The following CNTN4 variants were observed in gnomAD, a reference collection of about 807,000 sequenced individuals.
CNTN4 encodes contactin 4.
In CNTN4, 77 loss-of-function variants were observed where a neutral mutation model predicts 122.5. The ratio of observed to expected loss-of-function variants is 0.63; its 90% CI spans 0.52 to 0.76. The LOEUF (loss-of-function observed/expected upper bound fraction) is 0.76. CNTN4 is among the 30% of genes least tolerant of loss of function. The pLI is 0.00. For missense variants in CNTN4, 1,256 were observed against 1,259.1 expected (o/e 1.00, Z 0.04); for synonymous variants, 512 against 447.0 (o/e 1.15, Z -1.83).
At chr3:2,946,699 T>G (rs948154099) in intron 13 of CNTN4, among the ~76,000 whole-genome samples, 12 of 115,696 alleles carry the variant, frequency 1.0e-4, no homozygotes, top group African/African-American at 3.1e-4. Context: ...CTTGCTTTTT[T>G]TTTTCTTTTT....
rs1164805122 is a variant in CNTN4 at position 2,705,733 on chromosome 3, A to G, written c.56-30482A>G. ...ATAATATATACAACATATAAAATAT[A>G]TATGATATATATGATATATAATATA... On this transcript the variant is annotated intron_variant, in intron 4 of 24. Coordinates refer to ENST00000418658, the MANE Select transcript of CNTN4 (RefSeq NM_175607.3). 8.0e-5 allele frequency among the ~76,000 whole-genome samples: 8 copies of G among 100,178 alleles called. No homozygotes were observed. In the South Asian group the frequency reaches 2.5e-3, roughly 31 times the overall value. 65.7% of individuals were successfully genotyped at this position (100,178 alleles called of 152,430 possible).
intron 3 of CNTN4, among the ~76,000 whole-genome samples, chr3:2,418,266 C>G (rs1219866680): frequency 1.3e-5 from 2 of 152,070 alleles, no homozygotes; most frequent in African/African-American, 4.8e-5. Flanking sequence ...ATCTCTGCAC[C>G]TTCCCCTCAA....
chr3:2,259,169 A>G (rs1341375922), intron 2 of CNTN4, among the ~76,000 whole-genome samples: 1 of 151,816 alleles, frequency 6.6e-6, no homozygotes, highest in East Asian at 1.9e-4. Flanking sequence ...GTACCTGGCT[A>G]TGCACTTGCT....
chr3:2,569,722 A>G (rs940880805), intron 3 of CNTN4, among the ~76,000 whole-genome samples: 2 of 151,964 alleles, frequency 1.3e-5, no homozygotes, highest in African/African-American at 4.8e-5. Context: ...TTCCTGCCAG[A>G]GTTGTAAATA....
At chr3:2,969,133 T>C (rs1449644575) in intron 13 of CNTN4, among the ~76,000 whole-genome samples, 5 of 152,188 alleles carry the variant, frequency 3.3e-5, no homozygotes, top group African/African-American at 1.2e-4. Context: ...ATCTGAAAAT[T>C]TCAGGGTTTG....
At chr3:2,143,608 A>G (rs1189973153) in intron 2 of CNTN4, among the ~76,000 whole-genome samples, 2 of 152,298 alleles carry the variant, frequency 1.3e-5, no homozygotes, top group African/African-American at 4.8e-5. Context: ...CCATTCTACT[A>G]ATTTATCAAT....
intron 3 of CNTN4, among the ~76,000 whole-genome samples, chr3:2,533,892 G>T (rs1197222823): frequency 1.3e-5 from 2 of 151,802 alleles, no homozygotes; most frequent in Non-Finnish European, 1.5e-5. Context: ...GTGTCTGTTG[G>T]CTGCACAAAT....
At chr3:2,516,015 T>G (rs2077030273) in intron 3 of CNTN4, among the ~76,000 whole-genome samples, 1 of 152,142 alleles carries the variant, frequency 6.6e-6, no homozygotes, top group Non-Finnish European at 1.5e-5. Context: ...GGGCTCATCT[T>G]ATTTCAGATC....
intron 2 of CNTN4, among the ~76,000 whole-genome samples, chr3:2,191,862 A>G (rs1413649097): frequency 6.6e-6 from 1 of 151,976 alleles, no homozygotes; most frequent in Non-Finnish European, 1.5e-5. Flanking sequence ...TATATCTCCT[A>G]ATGCTATGCC....
intron 3 of CNTN4, among the ~76,000 whole-genome samples, chr3:2,535,525 C>G (rs936039559): frequency 1.3e-5 from 2 of 152,138 alleles, no homozygotes; most frequent in Non-Finnish European, 2.9e-5. Flanking sequence ...AGGCCCTCCA[C>G]TTGCCTCTTT....
chr3:2,167,621 A>C (rs2036258696), intron 2 of CNTN4, among the ~76,000 whole-genome samples: 1 of 152,238 alleles, frequency 6.6e-6, no homozygotes, highest in Non-Finnish European at 1.5e-5. Context: ...AATATTTTCC[A>C]CAATATTAAG....
intron 2 of CNTN4, among the ~76,000 whole-genome samples, chr3:2,252,843 G>T (rs973088339): frequency 6.6e-6 from 1 of 152,090 alleles, no homozygotes; most frequent in Non-Finnish European, 1.5e-5. Flanking sequence ...CAGAAAGCCA[G>T]ATTGTCTCCC....
intron 2 of CNTN4, among the ~76,000 whole-genome samples, chr3:2,305,087 A>G (rs1303326419): frequency 1.3e-5 from 2 of 152,048 alleles, no homozygotes; most frequent in African/African-American, 2.4e-5. Context: ...TGACCTTTAT[A>G]TTCATTTTAT....
At chr3:2,745,886 A>G in intron 6 of CNTN4, among the ~76,000 whole-genome samples, 189 bp downstream of exon 6, 1 of 152,334 alleles carries the variant, frequency 6.6e-6, no homozygotes, top group Middle Eastern at 3.4e-3. Flanking sequence ...GAGAAGATGT[A>G]TTCTTCTACT....
chr3:2,241,552 G>A (rs1020750783), intron 2 of CNTN4, among the ~76,000 whole-genome samples: 1 of 152,116 alleles, frequency 6.6e-6, no homozygotes, highest in South Asian at 2.1e-4. Context: ...CTAATGTTTA[G>A]CTTAATGTCT....
intron 3 of CNTN4, among the ~76,000 whole-genome samples, chr3:2,464,107 G>T (rs934410832): frequency 2.0e-5 from 3 of 152,138 alleles, no homozygotes; most frequent in African/African-American, 4.8e-5. Context: ...ACTATTGTTT[G>T]TGTATATGGA....
intron 3 of CNTN4, among the ~76,000 whole-genome samples, chr3:2,559,447 C>G (rs140127629): frequency 0.015 from 2,268 of 152,200 alleles, 30 homozygotes; most frequent in Middle Eastern, 0.031. Flanking sequence ...CATAATCCTC[C>G]AAGCCCCGCT....
chr3:2,861,031 A>T (rs1235200015), intron 7 of CNTN4, among the ~76,000 whole-genome samples: 1 of 152,198 alleles, frequency 6.6e-6, no homozygotes, highest in East Asian at 1.9e-4. Context: ...ATTTACGAAA[A>T]GATAATTTTT....
At chr3:2,423,945 A>G (rs1365252880) in intron 3 of CNTN4, among the ~76,000 whole-genome samples, 5 of 334 alleles carry the variant, frequency 0.015, no homozygotes, top group Admixed American at 0.029. Context: ...GGGTGGAGGG[A>G]GGGGGTTTTT....
Sources: gnomAD v4.1 joint callset for allele counts (sites outside exome capture counted in the v4.1 genomes callset) on GRCh38, gnomAD v4.1.1 for gene constraint, MANE v1.5 for transcripts, NCBI Gene and HGNC (gene_info 2026-07-23, HGNC 2026-07-21) for gene names.